The following DYRK1A variants were observed in gnomAD, a reference collection of about 807,000 sequenced individuals.
The protein encoded by DYRK1A is dual specificity tyrosine phosphorylation regulated kinase 1A, also known as dual specificity tyrosine-phosphorylation-regulated kinase 1A.
A neutral mutation model predicts 79.7 loss-of-function variants in DYRK1A; 9 were observed. The observed-to-expected ratio is 0.11, with a 90% CI of 0.07 to 0.20. The LOEUF (loss-of-function observed/expected upper bound fraction) is 0.20, where lower values mean the gene tolerates loss of function less well. Ranked by LOEUF, DYRK1A falls within the 10% of genes least tolerant of loss-of-function variation. DYRK1A has a pLI of 1.00. For missense variants in DYRK1A, 622 were observed against 956.0 expected (o/e 0.65, Z 4.61); for synonymous variants, 349 against 329.7 (o/e 1.06, Z -0.63).
chr21:37,495,028 T>A (rs189888352), intron 8 of DYRK1A, among the ~76,000 whole-genome samples: 4 of 152,080 alleles, frequency 2.6e-5, no homozygotes, highest in Non-Finnish European at 5.9e-5. Flanking sequence ...TTGGCAGGAA[T>A]TTTTATGTTT....
intron 1 of DYRK1A, among the ~76,000 whole-genome samples, chr21:37,394,767 C>G (rs1410767427): frequency 6.6e-6 from 1 of 152,164 alleles, no homozygotes; most frequent in Non-Finnish European, 1.5e-5. Context: ...TTGTCTTCCA[C>G]AAAAGTAGTC....
chr21:37,377,834 T>A lies in DYRK1A; in HGVS notation c.-77+10206T>A, dbSNP rs578262838. Among the ~76,000 whole-genome samples the A allele has an allele frequency of 2.6e-5, 4 of 152,306 alleles. No homozygotes were observed. The South Asian group carries it at 8.3e-4, about 32-fold the overall frequency. Reference sequence around the variant, plus strand: ...TTAGTCAGACTGCATTAAAGGACATTTAAGTTCATATTTTTGCTCTTTTAA... The same window carrying A: ...TTAGTCAGACTGCATTAAAGGACATATAAGTTCATATTTTTGCTCTTTTAA... On this transcript the variant is annotated intron_variant, in intron 1 of 11. Coordinates refer to ENST00000647188, the MANE Select transcript of DYRK1A (RefSeq NM_001347721.2).
At chr21:37,365,590 C>A (rs2049288007), upstream of DYRK1A, 1 of 152,162 alleles carries the variant, frequency 6.6e-6, no homozygotes, top group Non-Finnish European at 1.5e-5. Context: ...GGTTTTCAAG[C>A]CTCGGGAGCT....
intron 1 of DYRK1A, among the ~76,000 whole-genome samples, chr21:37,417,863 T>G (rs149490890): frequency 1.7e-4 from 26 of 152,254 alleles, no homozygotes; most frequent in Non-Finnish European, 3.7e-4. Flanking sequence ...TGTAGAAGAT[T>G]TGAGGGTCAT....
chr21:37,479,784 T>C (rs1159444729), intron 4 of DYRK1A, among the ~76,000 whole-genome samples: 2 of 151,704 alleles, frequency 1.3e-5, no homozygotes, highest in East Asian at 1.9e-4. Flanking sequence ...CCCGCCACCA[T>C]GCCCAGCTAA....
intron 2 of DYRK1A, among the ~76,000 whole-genome samples, chr21:37,436,190 A>G (rs1300761234): frequency 6.6e-6 from 1 of 152,226 alleles, no homozygotes; most frequent in Non-Finnish European, 1.5e-5. Flanking sequence ...TTAAAGAGGA[A>G]GCCCATAGAA....
intron 5 of DYRK1A, among the ~76,000 whole-genome samples, chr21:37,483,542 G>T (rs900651751): frequency 6.6e-6 from 1 of 152,012 alleles, no homozygotes; most frequent in Non-Finnish European, 1.5e-5. Flanking sequence ...TTCTGAGGGG[G>T]TTTTCAGTGC....
Position 37,490,311 on chromosome 21 carries a change from A to T in DYRK1A, c.774A>T (p.Gln258His), listed in dbSNP as rs759144008. Residue 258 changes from glutamine (Q) to histidine (H), a missense_variant, in exon 7 of 12, where the codon CAA becomes CAT. Physicochemically the swap from Gln to His is conservative, Grantham distance 24. Around this residue, in one of 5 missense-constraint regions of DYRK1A, gnomAD observed 138 missense variants for 346.4 expected, o/e 0.40. Transcript: ENST00000647188. ...TGAACCTAACACGAAAGTTTGCGCAACAGATGTGCACTGCACTGCTTTTCC... is the reference window on the plus strand; with the variant it reads ...TGAACCTAACACGAAAGTTTGCGCATCAGATGTGCACTGCACTGCTTTTCC... ...VSLNLTRKFAQQMCTALLFLA... is the reference protein window; with the variant it reads ...VSLNLTRKFAHQMCTALLFLA... The T allele has an allele frequency of 6.2e-7, 1 of 1,613,782 alleles. No individual in the cohort carries two copies. Among genetic ancestry groups the T allele is most frequent in the East Asian group, 2.2e-5 (1 of 44,838 alleles).
chr21:37,423,201 G>A (rs1337303182), intron 2 of DYRK1A, among the ~76,000 whole-genome samples: 3 of 152,120 alleles, frequency 2.0e-5, no homozygotes, highest in African/African-American at 7.2e-5. Context: ...GACATTGACA[G>A]TAATGGCTTT....
chr21:37,367,633 G>A lies in DYRK1A; in HGVS notation c.-77+5G>A, dbSNP rs1338851232. 1 of 146,728 alleles carries A rather than the reference G, an allele frequency of 6.8e-6. No homozygotes were observed. Among genetic ancestry groups the A allele is most frequent in the Non-Finnish European group, 1.5e-5 (1 of 65,838 alleles). 9.1% of individuals were successfully genotyped at this position (146,728 alleles called of 1,614,324 possible). On this transcript the variant is annotated splice_donor_5th_base_variant and intron_variant, in intron 1 of 11. Transcript: ENST00000647188. ...GAGCGCCCCGCCATCGTCCCGGTGA[G>A]TGTCCGGCCCGGCCGCGGCCCCGCC...
At chr21:37,499,332 A>G (rs1050565638) in intron 9 of DYRK1A, among the ~76,000 whole-genome samples, 6 of 152,174 alleles carry the variant, frequency 3.9e-5, no homozygotes, top group East Asian at 1.9e-4. Flanking sequence ...ATTTTCTTCC[A>G]TATGCTTACC....
intron 1 of DYRK1A, among the ~76,000 whole-genome samples, chr21:37,407,032 C>T (rs1215620103): frequency 6.6e-6 from 1 of 151,060 alleles, no homozygotes; most frequent in Non-Finnish European, 1.5e-5. Context: ...TAAAGGTTTG[C>T]TGTTTTTTCT....
intron 1 of DYRK1A, among the ~76,000 whole-genome samples, chr21:37,377,147 T>G: frequency 6.6e-6 from 1 of 152,202 alleles, no homozygotes; most frequent in Middle Eastern, 3.4e-3. Flanking sequence ...TGAGACGGAG[T>G]CTCGCTCTTT....
chr21:37,403,613 G>T (rs2050091770), intron 1 of DYRK1A, among the ~76,000 whole-genome samples: 1 of 145,296 alleles, frequency 6.9e-6, no homozygotes, highest in Non-Finnish European at 1.5e-5. Context: ...CTACAGGTGT[G>T]CCCCACTATG....
In DYRK1A at chr21:37,371,789, T is replaced by TGG. The variant is rs543111249; in HGVS notation, c.-77+4168_-77+4169dup. ...AGAAAAGTTTGTTTTAATTGATTTT[T>TGG]GGGGGGGGCCCAGTGAACTGGCTTA... On this transcript the variant is annotated intron_variant, in intron 1 of 11. Transcript: ENST00000647188. Among the ~76,000 whole-genome samples, 1,507 of 151,830 alleles carry TGG rather than the reference T, an allele frequency of 9.9e-3. 22 individuals carry two copies. The highest frequency in any genetic ancestry group is 0.033 in the African/African-American group (1,376 of 41,394).
Position 37,500,036 on chromosome 21 carries a change from T to TG in DYRK1A, c.1212+3785dup, listed in dbSNP as rs374807722. Among the ~76,000 whole-genome samples the TG allele has an allele frequency of 7.2e-4, 110 of 152,268 alleles. 1 individual carries two copies. The highest frequency in any genetic ancestry group is 1.0e-3 in the Admixed American group (16 of 15,294). The stretch of plus-strand genomic sequence containing the variant: ...GAGTATGTGTGGATTTCAGCATATT[T>TG]GGGGGGGTCCTGGAACCAACCCCCT... On this transcript the variant is annotated intron_variant, in intron 9 of 11. Coordinates refer to ENST00000647188, the MANE Select transcript of DYRK1A (RefSeq NM_001347721.2).
chr21:37,441,042 CA>C (rs2051087555), intron 2 of DYRK1A, among the ~76,000 whole-genome samples: 1 of 150,968 alleles, frequency 6.6e-6, no homozygotes, highest in South Asian at 2.1e-4. Context: ...GTAGTTTTAT[CA>C]TTTTTTTTGG....
upstream of DYRK1A, chr21:37,365,913 C>G (rs2049292628): frequency 6.6e-6 from 1 of 152,128 alleles, no homozygotes; most frequent in Non-Finnish European, 1.5e-5. Flanking sequence ...TGGCTCCAGC[C>G]TAATTTCCCA....
intron 1 of DYRK1A, among the ~76,000 whole-genome samples, chr21:37,406,175 A>G (rs1027207164): frequency 6.6e-6 from 1 of 152,212 alleles, no homozygotes; most frequent in South Asian, 2.1e-4. Flanking sequence ...AAGAAACACT[A>G]ACTTATCTCT....
Sources: gnomAD v4.1 joint callset for allele counts (sites outside exome capture counted in the v4.1 genomes callset) on GRCh38, gnomAD v4.1.1 for gene constraint, gnomAD v4.1.1 regional missense constraint, MANE v1.5 for transcripts, NCBI Gene and HGNC (gene_info 2026-07-23, HGNC 2026-07-21) for gene names.